Variants in RAB38 observed in about 807,000 individuals in gnomAD.
RAB38 encodes ras-related protein Rab-38.
In RAB38, 15 loss-of-function variants were observed where a neutral mutation model predicts 18.4. The observed-to-expected ratio is 0.82, with a 90% CI of 0.55 to 1.26. The LOEUF (loss-of-function observed/expected upper bound fraction) is 1.26. RAB38 is among the 50% of genes most tolerant of loss of function. The pLI is 0.00. For synonymous variants in RAB38, 101 were observed against 104.4 expected (o/e 0.97, Z 0.20); for missense variants, 294 against 267.4 (o/e 1.10, Z -0.69).
At chr11:87,844,307 A>G in the RAB38 span, among the ~76,000 whole-genome samples, 5 of 152,200 alleles carry the variant, frequency 3.3e-5, no homozygotes, top group Non-Finnish European at 2.9e-5. Flanking sequence ...CGAGAATGCC[A>G]TTATTTCAAG....
chr11:87,888,938 G>A, the RAB38 span, among the ~76,000 whole-genome samples: 1 of 151,896 alleles, frequency 6.6e-6, no homozygotes, highest in Non-Finnish European at 1.5e-5. Context: ...GTGGTTCATT[G>A]TGATGCTTAG....
At chr11:87,855,355 A>G in the RAB38 span, among the ~76,000 whole-genome samples, 3 of 152,126 alleles carry the variant, frequency 2.0e-5, no homozygotes, top group Non-Finnish European at 4.4e-5. Context: ...CCTTTTCTTC[A>G]ATAATCTCTT....
At chr11:87,928,928 A>G in the RAB38 span, among the ~76,000 whole-genome samples, 1 of 152,124 alleles carries the variant, frequency 6.6e-6, no homozygotes, top group Admixed American at 6.6e-5. Context: ...CAGCCTGACC[A>G]ACATGGTGAA....
At chr11:87,966,244 C>T in the RAB38 span, among the ~76,000 whole-genome samples, 7 of 152,090 alleles carry the variant, frequency 4.6e-5, no homozygotes, top group African/African-American at 1.7e-4. Context: ...CCCTCCCCTT[C>T]ATAGGGGGAG....
the RAB38 span, among the ~76,000 whole-genome samples, chr11:87,943,233 GAGA>G: frequency 2.0e-5 from 3 of 152,252 alleles, 1 homozygote; most frequent in South Asian, 6.2e-4. Flanking sequence ...TCTTCTTTGG[GAGA>G]AGATTTGTTC....
the RAB38 span, among the ~76,000 whole-genome samples, chr11:87,966,934 C>A: frequency 6.6e-6 from 1 of 152,174 alleles, no homozygotes; most frequent in Non-Finnish European, 1.5e-5. Context: ...AATAAAGCTT[C>A]TAAGTTCCCA....
At chr11:88,100,566 C>A in the RAB38 span, among the ~76,000 whole-genome samples, 1 of 151,918 alleles carries the variant, frequency 6.6e-6, no homozygotes. Flanking sequence ...TTAAACATTT[C>A]TGGGGAAAAT....
intron 2 of RAB38, among the ~76,000 whole-genome samples, chr11:88,129,371 C>T (rs867293203): frequency 4.6e-5 from 7 of 151,916 alleles, no homozygotes; most frequent in South Asian, 2.1e-4. Flanking sequence ...CTGGGCGTGG[C>T]GGCTCACACC....
At chr11:88,061,390 G>A in the RAB38 span, among the ~76,000 whole-genome samples, 77 of 152,320 alleles carry the variant, frequency 5.1e-4, no homozygotes, top group Non-Finnish European at 4.4e-5. Context: ...ATGAGTTTCA[G>A]TGCTGAGCAA....
chr11:88,175,304 C>G lies in RAB38; in HGVS notation c.81G>C (p.Lys27Asn). The G allele has an allele frequency of 6.2e-7, 1 of 1,614,204 alleles. No homozygotes were observed. Among genetic ancestry groups the G allele is most frequent in the Non-Finnish European group, 8.5e-7 (1 of 1,180,016 alleles). ...AAGAGAAGTTCTGGTGCACGTAGCG[C>G]TTGATGATACTGGTCTTCCCCACGC... The part of the protein sequence containing the change: ...DLGVGKTSII[K>N]RYVHQNFSSH... Residue 27 changes from lysine to asparagine, a missense_variant, in exon 1 of 3, where the codon AAG (lysine) becomes AAC (asparagine). Transcript: ENST00000243662.
the RAB38 span, among the ~76,000 whole-genome samples, chr11:88,077,354 T>A: frequency 0.65 from 98,552 of 151,774 alleles, 32,581 homozygotes; most frequent in African/African-American, 0.77. Flanking sequence ...CAATCCTGAT[T>A]AAAAAAAACA....
At chr11:87,808,105 G>A in the RAB38 span, among the ~76,000 whole-genome samples, 4 of 152,128 alleles carry the variant, frequency 2.6e-5, no homozygotes, top group African/African-American at 9.7e-5. Flanking sequence ...CACATTATTG[G>A]TAGGAATATA....
At position 88,150,883 on chromosome 11, in the gene RAB38, G is replaced by T. The variant is rs147757944; in HGVS notation, c.203-928C>A. On this transcript the variant is annotated intron_variant, in intron 1 of 2. Coordinates refer to ENST00000243662, the MANE Select transcript of RAB38 (RefSeq NM_022337.3). ...CCATCCCTTTGAATTTGACTGAACA[G>T]ATATTTATTGGACATCTATTATATC... Among the ~76,000 whole-genome samples, 445 of 152,246 alleles carry T rather than the reference G, an allele frequency of 2.9e-3. 2 individuals are homozygous for T. Among genetic ancestry groups the T allele is most frequent in the African/African-American group, 9.7e-3 (404 of 41,536 alleles).
the RAB38 span, among the ~76,000 whole-genome samples, chr11:88,083,558 T>C: frequency 6.6e-6 from 1 of 151,940 alleles, no homozygotes; most frequent in Non-Finnish European, 1.5e-5. Flanking sequence ...ATTCTAAGCT[T>C]GGTGCCATGG....
chr11:87,859,532 G>T, the RAB38 span, among the ~76,000 whole-genome samples: 1 of 151,968 alleles, frequency 6.6e-6, no homozygotes, highest in Admixed American at 6.6e-5. Flanking sequence ...AGCGCAATTT[G>T]CCAATATATA....
At chr11:87,952,618 A>G in the RAB38 span, among the ~76,000 whole-genome samples, 1 of 152,152 alleles carries the variant, frequency 6.6e-6, no homozygotes, top group African/African-American at 2.4e-5. Flanking sequence ...CACAAATCCA[A>G]CATCACAGTA....
chr11:88,003,840 ATT>A, the RAB38 span, among the ~76,000 whole-genome samples: 698 of 9,586 alleles, frequency 0.073, 270 homozygotes, highest in East Asian at 0.24. Flanking sequence ...TATAATATAT[ATT>A]TATATATATA....
chr11:87,829,173 A>G, the RAB38 span, among the ~76,000 whole-genome samples: 2 of 152,244 alleles, frequency 1.3e-5, no homozygotes, highest in Admixed American at 6.5e-5. Context: ...ATGGAGGATT[A>G]GAAAGGCAAG....
At chr11:88,169,212 G>T (rs1943280107) in intron 1 of RAB38, among the ~76,000 whole-genome samples, 1 of 152,210 alleles carries the variant, frequency 6.6e-6, no homozygotes. Flanking sequence ...GTAACTGGGG[G>T]TAAGGTATTT....
Sources: gnomAD v4.1 joint callset for allele counts (sites outside exome capture counted in the v4.1 genomes callset) on GRCh38, gnomAD v4.1.1 for gene constraint, MANE v1.5 for transcripts, NCBI Gene and HGNC (gene_info 2026-07-23, HGNC 2026-07-21) for gene names.